EPHA6: variants seen among roughly 807,000 people sequenced by gnomAD.
EPHA6 encodes ephrin type-A receptor 6.
In EPHA6, 50 loss-of-function variants were observed where a neutral mutation model predicts 112.0. The observed-to-expected ratio is 0.45, with a 90% CI of 0.36 to 0.56. The LOEUF (loss-of-function observed/expected upper bound fraction) is 0.56. EPHA6 is among the 20% of genes least tolerant of loss of function. EPHA6 has a pLI of 0.00. For missense variants in EPHA6, 1,280 were observed against 1,417.4 expected (o/e 0.90, Z 1.56); for synonymous variants, 529 against 490.7 (o/e 1.08, Z -1.03).
chr3:96,873,720 T>A (rs1559790584), intron 2 of EPHA6, among the ~76,000 whole-genome samples: 1 of 152,118 alleles, frequency 6.6e-6, no homozygotes, highest in Non-Finnish European at 1.5e-5. Flanking sequence ...AGCTTTCTTG[T>A]GGTATGTATG....
chr3:97,453,534 A>C (rs77276854), intron 7 of EPHA6, among the ~76,000 whole-genome samples: 4 of 151,848 alleles, frequency 2.6e-5, no homozygotes, highest in Non-Finnish European at 5.9e-5. Flanking sequence ...GTAATGATGG[A>C]CTAAATTTAT....
intron 7 of EPHA6, chr3:97,466,463 G>C: frequency 6.7e-7 from 1 of 1,503,082 alleles, no homozygotes; most frequent in African/African-American, 1.4e-5. Context: ...TTAATGAAAA[G>C]TGGGACTTTA....
intron 5 of EPHA6, among the ~76,000 whole-genome samples, chr3:97,336,381 G>C (rs778227129): frequency 1.3e-5 from 2 of 152,104 alleles, no homozygotes; most frequent in Non-Finnish European, 2.9e-5. Flanking sequence ...ATTTTTGCAA[G>C]GTAGTTTCAG....
chr3:97,483,883 G>A (rs1051282566), intron 9 of EPHA6, 51 bp from the exon 10 acceptor site: 2 of 1,534,176 alleles, frequency 1.3e-6, no homozygotes, highest in African/African-American at 1.4e-5. Context: ...ACAAGATATA[G>A]ACCACTGAGA....
At chr3:97,524,898 T>G (rs556506936) in intron 10 of EPHA6, among the ~76,000 whole-genome samples, 2 of 152,276 alleles carry the variant, frequency 1.3e-5, no homozygotes, top group South Asian at 4.1e-4. Context: ...CCATAAAGCT[T>G]CTTTGTTTTT....
chr3:97,586,818 T>C (rs1044464573), intron 11 of EPHA6, among the ~76,000 whole-genome samples: 1 of 152,142 alleles, frequency 6.6e-6, no homozygotes, highest in African/African-American at 2.4e-5. Context: ...TTGCATTAGG[T>C]TCAATAGACT....
intron 1 of EPHA6, among the ~76,000 whole-genome samples, chr3:96,828,300 T>C (rs907133705): frequency 1.3e-5 from 2 of 152,104 alleles, no homozygotes; most frequent in African/African-American, 4.8e-5. Context: ...TCCTAATTCC[T>C]TCAGAGGAGA....
chr3:97,186,141 A>G (rs2077128192), intron 3 of EPHA6, among the ~76,000 whole-genome samples: 1 of 152,088 alleles, frequency 6.6e-6, no homozygotes, highest in African/African-American at 2.4e-5. Context: ...GCAGCACACC[A>G]GCATGGCACA....
rs139887099 is a variant in EPHA6 at position 96,833,802 on chromosome 3, G to C, written c.385+18794G>C. Among the ~76,000 whole-genome samples, 508 of 151,940 alleles carry C rather than the reference G, an allele frequency of 3.3e-3. 4 individuals carry two copies. Among genetic ancestry groups the C allele is most frequent in the African/African-American group, 0.012 (482 of 41,498 alleles). ...GCATTAAGAACATTGCAATTCCACTGTTAGTTATTTTAAAATATGCAATAA... is the reference window on the plus strand; with the variant it reads ...GCATTAAGAACATTGCAATTCCACTCTTAGTTATTTTAAAATATGCAATAA... On this transcript the variant is annotated intron_variant, in intron 1 of 17. Transcript: ENST00000389672.
intron 12 of EPHA6, among the ~76,000 whole-genome samples, chr3:97,594,980 T>C (rs1218144742): frequency 6.6e-6 from 1 of 152,216 alleles, no homozygotes; most frequent in Non-Finnish European, 1.5e-5. Context: ...GCTAATTTAG[T>C]TCTCAATTAC....
At chr3:96,903,430 T>A (rs1293776164) in intron 2 of EPHA6, among the ~76,000 whole-genome samples, 1 of 152,196 alleles carries the variant, frequency 6.6e-6, no homozygotes, top group Non-Finnish European at 1.5e-5. Flanking sequence ...AATGTGTAAT[T>A]TTTATATTAA....
intron 5 of EPHA6, among the ~76,000 whole-genome samples, chr3:97,255,530 A>G (rs1187780198): frequency 6.6e-6 from 1 of 152,186 alleles, no homozygotes; most frequent in East Asian, 1.9e-4. Context: ...TGCCTTTTTA[A>G]ACATTTATTT....
intron 14 of EPHA6, among the ~76,000 whole-genome samples, chr3:97,708,402 G>C (rs886352551): frequency 2.4e-4 from 37 of 152,236 alleles, no homozygotes; most frequent in African/African-American, 8.2e-4. Context: ...GAGAATTAAA[G>C]ATGTGACCTG....
chr3:97,321,194 A>T (rs1024263024), intron 5 of EPHA6, among the ~76,000 whole-genome samples: 1 of 151,946 alleles, frequency 6.6e-6, no homozygotes, highest in African/African-American at 2.4e-5. Context: ...TGCTGAAATG[A>T]TTCAGCATCA....
At chr3:96,919,227 A>G (rs1011963990) in intron 2 of EPHA6, among the ~76,000 whole-genome samples, 5 of 151,960 alleles carry the variant, frequency 3.3e-5, no homozygotes, top group African/African-American at 1.2e-4. Context: ...AAGAGTAATA[A>G]TTAGATCATC....
intron 3 of EPHA6, among the ~76,000 whole-genome samples, chr3:97,053,443 T>C (rs900726321): frequency 6.6e-6 from 1 of 152,226 alleles, no homozygotes; most frequent in Non-Finnish European, 1.5e-5. Context: ...GGAATTCCTC[T>C]TCTGACCACA....
chr3:97,096,563 G>A (rs2108247077), intron 3 of EPHA6, among the ~76,000 whole-genome samples: 2 of 151,906 alleles, frequency 1.3e-5, no homozygotes, highest in Non-Finnish European at 2.9e-5. Context: ...CTCAAAAGAA[G>A]AATATAACCT....
intron 5 of EPHA6, among the ~76,000 whole-genome samples, chr3:97,375,404 T>G (rs941783734): frequency 6.6e-6 from 1 of 152,166 alleles, no homozygotes; most frequent in African/African-American, 2.4e-5. Context: ...TTTTACCACA[T>G]TCTCTTCTTA....
At chr3:97,558,408 C>T (rs905301299) in intron 11 of EPHA6, among the ~76,000 whole-genome samples, 2 of 152,074 alleles carry the variant, frequency 1.3e-5, no homozygotes, top group East Asian at 1.9e-4. Context: ...TTCTACCAGG[C>T]CCCTAGCTAC....
Sources: gnomAD v4.1 joint callset for allele counts (sites outside exome capture counted in the v4.1 genomes callset) on GRCh38, gnomAD v4.1.1 for gene constraint, MANE v1.5 for transcripts, NCBI Gene and HGNC (gene_info 2026-07-23, HGNC 2026-07-21) for gene names.